ZEB2: variants seen among roughly 807,000 people sequenced by gnomAD.
ZEB2 encodes the protein zinc finger E-box-binding homeobox 2.
Under a neutral mutation model 99.9 loss-of-function variants are expected in ZEB2, and 6 were observed. The ratio of observed to expected loss-of-function variants is 0.06; its 90% confidence interval spans 0.03 to 0.12. ZEB2 has a LOEUF of 0.12. Ranked by LOEUF, ZEB2 falls within the 10% of genes least tolerant of loss-of-function variation. The pLI is 1.00. For missense variants in ZEB2, 969 were observed against 1,502.8 expected (o/e 0.64, Z 5.87); for synonymous variants, 517 against 542.5 (o/e 0.95, Z 0.65).
At chr2:144,404,265 C>T (rs1325366960) in intron 5 of ZEB2, 135 bp from the exon 6 acceptor site, 5 of 971,688 alleles carry the variant, frequency 5.1e-6, no homozygotes, top group Admixed American at 4.0e-5. Flanking sequence ...TCATTGCACC[C>T]GGCCCCCTCG....
intron 2 of ZEB2, among the ~76,000 whole-genome samples, chr2:144,488,862 A>G (rs536651265): frequency 3.3e-5 from 5 of 152,348 alleles, no homozygotes; most frequent in South Asian, 2.1e-4. Flanking sequence ...TACTTTTAAC[A>G]TATAGTTTAT....
chr2:144,447,636 G>T (rs758505938), intron 2 of ZEB2, among the ~76,000 whole-genome samples: 90 of 152,126 alleles, frequency 5.9e-4, no homozygotes, highest in Non-Finnish European at 1.0e-3. Context: ...CCATGGTACT[G>T]GACTACCTAA....
At chr2:144,440,513 ATATTTTTTTTTTTTTTTTTTTTTTT>A (rs1703898916) in intron 2 of ZEB2, among the ~76,000 whole-genome samples, 1 of 24,096 alleles carries the variant, frequency 4.2e-5, no homozygotes, top group South Asian at 9.5e-4. Context: ...ATATATATAT[ATATTTTTTTTTTTTTTTTTTTTTTT>A]TTTTAACTAG....
intron 8 of ZEB2, among the ~76,000 whole-genome samples, chr2:144,397,096 T>C (rs1209913406): frequency 6.6e-6 from 1 of 152,226 alleles, no homozygotes; most frequent in East Asian, 1.9e-4. Flanking sequence ...TATTTAATTT[T>C]CTAATTTGAA....
chr2:144,506,500 G>GA (rs1318725015), intron 2 of ZEB2, among the ~76,000 whole-genome samples: 1 of 152,130 alleles, frequency 6.6e-6, no homozygotes, highest in Non-Finnish European at 1.5e-5. Flanking sequence ...CTCATGATGT[G>GA]AAACACTTCC....
At chr2:144,513,846 G>T in intron 2 of ZEB2, 1 of 1,534,112 alleles carries the variant, frequency 6.5e-7, no homozygotes, top group South Asian at 1.2e-5. Flanking sequence ...AAGGGGGGCT[G>T]GGTTTTCCCC....
chr2:144,410,656 G>A (rs868695712), intron 4 of ZEB2, among the ~76,000 whole-genome samples: 1 of 151,902 alleles, frequency 6.6e-6, no homozygotes, highest in African/African-American at 2.4e-5. Flanking sequence ...TTTCCCTTTG[G>A]CATTCATTTT....
chr2:144,473,622 G>A (rs1704389160), intron 2 of ZEB2, among the ~76,000 whole-genome samples: 1 of 152,150 alleles, frequency 6.6e-6, no homozygotes, highest in East Asian at 1.9e-4. Context: ...TGATGAGGCG[G>A]CATGGATAAG....
At chr2:144,412,711 G>C (rs936337073) in intron 4 of ZEB2, among the ~76,000 whole-genome samples, 1 of 152,106 alleles carries the variant, frequency 6.6e-6, no homozygotes, top group Non-Finnish European at 1.5e-5. Context: ...AAGCACAATT[G>C]GTCCCATATT....
At chr2:144,483,230 G>T (rs1167074281) in intron 2 of ZEB2, among the ~76,000 whole-genome samples, 1 of 151,268 alleles carries the variant, frequency 6.6e-6, no homozygotes, top group Admixed American at 6.6e-5. Flanking sequence ...AAAAGCTGTA[G>T]ATTTGAATCC....
Position 144,433,390 on chromosome 2 carries a change from C to T in ZEB2, c.74-3364G>A, listed in dbSNP as rs1703798577. Among the ~76,000 whole-genome samples the T allele has an allele frequency of 2.0e-5, 3 of 152,068 alleles. No individual in the cohort carries two copies. The South Asian group carries it at 6.2e-4, about 31-fold the overall frequency. Reference sequence around the variant, plus strand: ...TGTACTGTATTACAGGGAAATTTGCCATGTGATACTATGTTTACATGATAA... The same window carrying T: ...TGTACTGTATTACAGGGAAATTTGCTATGTGATACTATGTTTACATGATAA... On this transcript the variant is annotated intron_variant, in intron 2 of 9. Coordinates refer to ENST00000627532, the MANE Select transcript of ZEB2 (RefSeq NM_014795.4).
chr2:144,475,097 A>G (rs1704412576), intron 2 of ZEB2, among the ~76,000 whole-genome samples: 1 of 152,216 alleles, frequency 6.6e-6, no homozygotes, highest in Non-Finnish European at 1.5e-5. Context: ...ACCCAGTGAC[A>G]TTTCAACAAG....
chr2:144,434,980 A>G (rs1239602842), intron 2 of ZEB2, among the ~76,000 whole-genome samples: 1 of 152,206 alleles, frequency 6.6e-6, no homozygotes, highest in African/African-American at 2.4e-5. Flanking sequence ...ACAAAGTTGT[A>G]TGTGCAATGG....
chr2:144,418,712 A>C (rs1016670069), intron 4 of ZEB2, among the ~76,000 whole-genome samples: 12 of 150,554 alleles, frequency 8.0e-5, no homozygotes, highest in African/African-American at 2.9e-4. Context: ...CAAACAAAAA[A>C]AAAAAAAAAC....
chr2:144,396,659 A>G, intron 8 of ZEB2, 67 bp from the exon 9 acceptor site: 3 of 1,547,352 alleles, frequency 1.9e-6, no homozygotes, highest in Non-Finnish European at 2.6e-6. Context: ...AACTTCACAT[A>G]GGGGGACATT....
chr2:144,440,496 T>C (rs1264415050), intron 2 of ZEB2, among the ~76,000 whole-genome samples: 1 of 13,872 alleles, frequency 7.2e-5, no homozygotes, highest in Non-Finnish European at 1.6e-4. Context: ...TATATATATA[T>C]ATATATATAT....
At chr2:144,491,332 C>T (rs2149919484) in intron 2 of ZEB2, among the ~76,000 whole-genome samples, 1 of 136,376 alleles carries the variant, frequency 7.3e-6, no homozygotes, top group Non-Finnish European at 1.6e-5. Context: ...ATTCTTGCCA[C>T]TTCGTCTTTC....
chr2:144,478,207 G>T (rs1244324110), intron 2 of ZEB2, among the ~76,000 whole-genome samples: 2 of 152,098 alleles, frequency 1.3e-5, no homozygotes, highest in Admixed American at 1.3e-4. Flanking sequence ...GAGCAGTGAG[G>T]GCCTAGGTAA....
chr2:144,513,042 C>T (rs980536825), intron 2 of ZEB2: 27 of 1,287,140 alleles, frequency 2.1e-5, no homozygotes, highest in Non-Finnish European at 2.4e-5. Context: ...ACTTCCTTGT[C>T]TAAGTGTGTA....
Sources: allele counts gnomAD v4.1 joint callset (sites outside exome capture counted in the v4.1 genomes callset), GRCh38; gene constraint gnomAD v4.1.1; transcripts MANE v1.5; gene names NCBI Gene and HGNC (gene_info 2026-07-23, HGNC 2026-07-21).